ZNF804B: variants seen among roughly 807,000 people sequenced by gnomAD.
The protein encoded by ZNF804B is zinc finger protein 804B, also known as zinc finger 804B.
ZNF804B carries 80 observed loss-of-function variants against 101.4 expected under a neutral mutation model. That is an observed-to-expected ratio of 0.79 (90% CI 0.66 to 0.95). The LOEUF is 0.95. Among genes scored for constraint, ZNF804B ranks in the 40% least tolerant of loss-of-function variants. The pLI, the probability that ZNF804B is intolerant of heterozygous loss-of-function variation, is 0.00. For synonymous variants in ZNF804B, 622 were observed against 558.8 expected, an observed-to-expected ratio of 1.11 and a Z score of -1.59; for missense variants, 1,673 against 1,561.9, an observed-to-expected ratio of 1.07 and a Z score of -1.20.
chr7:88,957,917 CAT>C (rs1022094865), intron 1 of ZNF804B, among the ~76,000 whole-genome samples: 12 of 129,100 alleles, frequency 9.3e-5, no homozygotes, highest in South Asian at 5.0e-4. Context: ...AATGTGTGTG[CAT>C]ATGTGTGTGT....
At chr7:88,915,737 G>A (rs1792622868) in intron 1 of ZNF804B, among the ~76,000 whole-genome samples, 1 of 151,682 alleles carries the variant, frequency 6.6e-6, no homozygotes, top group African/African-American at 2.4e-5. Flanking sequence ...TGGAAACAGG[G>A]AAGAATTGGA....
chr7:88,856,358 C>T (rs999901531), intron 1 of ZNF804B, among the ~76,000 whole-genome samples: 1 of 152,132 alleles, frequency 6.6e-6, no homozygotes, highest in African/African-American at 2.4e-5. Context: ...ATTTTATTCT[C>T]TTTGAAGCAA....
intron 2 of ZNF804B, among the ~76,000 whole-genome samples, chr7:89,289,792 C>T (rs1790258294): frequency 1.3e-5 from 2 of 152,204 alleles, no homozygotes; most frequent in African/African-American, 4.8e-5. Flanking sequence ...GCCACAAAGA[C>T]TCCAACTCTT....
At chr7:89,070,173 T>C (rs908291207) in intron 1 of ZNF804B, among the ~76,000 whole-genome samples, 6 of 152,200 alleles carry the variant, frequency 3.9e-5, no homozygotes, top group African/African-American at 1.4e-4. Flanking sequence ...CATTAGAAGG[T>C]AACCTTACTT....
At chr7:89,228,918 G>A (rs1228367105) in intron 2 of ZNF804B, among the ~76,000 whole-genome samples, 1 of 152,196 alleles carries the variant, frequency 6.6e-6, no homozygotes, top group Non-Finnish European at 1.5e-5. Context: ...CTGCCCCGCG[G>A]GAAGGCAGCT....
intron 3 of ZNF804B, 89 bp from the exon 4 acceptor site, chr7:89,333,274 C>A: frequency 8.0e-7 from 1 of 1,251,352 alleles, no homozygotes; most frequent in Non-Finnish European, 1.1e-6. Context: ...TGTAAAATAA[C>A]TCATCTTAGA....
chr7:89,264,987 C>T (rs909853974), intron 2 of ZNF804B, among the ~76,000 whole-genome samples: 1 of 152,204 alleles, frequency 6.6e-6, no homozygotes, highest in Non-Finnish European at 1.5e-5. Context: ...TATATCATAT[C>T]TTTGTATGTG....
intron 1 of ZNF804B, among the ~76,000 whole-genome samples, chr7:88,813,851 A>G (rs1425115598): frequency 6.6e-6 from 1 of 152,156 alleles, no homozygotes; most frequent in Non-Finnish European, 1.5e-5. Context: ...ACACTTAACT[A>G]CTCTAAGACC....
intron 1 of ZNF804B, among the ~76,000 whole-genome samples, chr7:89,069,859 C>T (rs1789508399): frequency 6.6e-6 from 1 of 152,096 alleles, no homozygotes; most frequent in Non-Finnish European, 1.5e-5. Flanking sequence ...TCAGTATTAT[C>T]ATCTGAAAAT....
At chr7:89,246,648 C>T (rs554921322) in intron 2 of ZNF804B, among the ~76,000 whole-genome samples, 45 of 152,246 alleles carry the variant, frequency 3.0e-4, no homozygotes, top group African/African-American at 1.1e-3. Context: ...TTCATTCTTC[C>T]TGGCAATAGA....
At position 89,008,435 on chromosome 7, in the gene ZNF804B, C is replaced by A. The variant is rs1332427988; in HGVS notation, c.109-209720C>A. Among the ~76,000 whole-genome samples the A allele has an allele frequency of 2.6e-5, 4 of 152,170 alleles. No individual in the cohort carries two copies. In the East Asian group the frequency reaches 7.7e-4, roughly 29 times the overall value. Reference sequence around the variant, plus strand: ...TCCACAGATACTACATCTGCCCATGCTACTAAGTCTCAGATCAATTCTGAG... The same window carrying A: ...TCCACAGATACTACATCTGCCCATGATACTAAGTCTCAGATCAATTCTGAG... On this transcript the variant is annotated intron_variant, in intron 1 of 3. Coordinates refer to ENST00000333190, the MANE Select transcript of ZNF804B (RefSeq NM_181646.5).
At chr7:89,051,217 TA>T (rs982792919) in intron 1 of ZNF804B, among the ~76,000 whole-genome samples, 34 of 149,880 alleles carry the variant, frequency 2.3e-4, no homozygotes, top group African/African-American at 7.5e-4. Context: ...GTTATTTCAG[TA>T]AAAAAAAAAT....
chr7:89,194,226 T>A (rs1382835338), intron 1 of ZNF804B, among the ~76,000 whole-genome samples: 6 of 152,222 alleles, frequency 3.9e-5, no homozygotes, highest in African/African-American at 1.2e-4. Context: ...CTTTGTCGGA[T>A]AAGTAGGTTG....
intron 2 of ZNF804B, among the ~76,000 whole-genome samples, chr7:89,304,050 A>G (rs1401335890): frequency 6.6e-6 from 1 of 151,884 alleles, no homozygotes; most frequent in Admixed American, 6.6e-5. Flanking sequence ...CCCTTTTTAG[A>G]GCACTTTTTA....
intron 2 of ZNF804B, among the ~76,000 whole-genome samples, chr7:89,275,873 T>C (rs934173578): frequency 1.3e-5 from 2 of 151,760 alleles, no homozygotes; most frequent in African/African-American, 4.9e-5. Context: ...TACTAGGCAT[T>C]CTAAAGTGCA....
At chr7:89,209,023 A>G (rs765172007) in intron 1 of ZNF804B, among the ~76,000 whole-genome samples, 24 of 152,000 alleles carry the variant, frequency 1.6e-4, no homozygotes, top group Non-Finnish European at 3.1e-4. Context: ...AAAAAATAAA[A>G]TAATAATAAT....
At chr7:89,065,970 G>T (rs1789449987) in intron 1 of ZNF804B, among the ~76,000 whole-genome samples, 1 of 152,048 alleles carries the variant, frequency 6.6e-6, no homozygotes, top group South Asian at 2.1e-4. Context: ...AAATTTTGAG[G>T]ATTAGAAAGT....
intron 1 of ZNF804B, among the ~76,000 whole-genome samples, chr7:88,834,142 T>A (rs1201867179): frequency 6.6e-6 from 1 of 151,794 alleles, no homozygotes; most frequent in Non-Finnish European, 1.5e-5. Context: ...TAAAGTTACC[T>A]TGAGAGTAAA....
intron 2 of ZNF804B, among the ~76,000 whole-genome samples, chr7:89,287,321 C>T (rs557795178): frequency 2.1e-4 from 32 of 152,136 alleles, no homozygotes; most frequent in African/African-American, 7.0e-4. Context: ...TGTATACATA[C>T]ACGTGCACAC....
Sources: gnomAD v4.1 joint callset for allele counts (sites outside exome capture counted in the v4.1 genomes callset) on GRCh38, gnomAD v4.1.1 for gene constraint, MANE v1.5 for transcripts, NCBI Gene and HGNC (gene_info 2026-07-23, HGNC 2026-07-21) for gene names.